Variants in MTREX observed in about 807,000 individuals in gnomAD.
MTREX encodes Mtr4 exosome RNA helicase.
MTREX carries 76 observed loss-of-function variants against 135.4 expected under a neutral mutation model. The ratio of observed to expected loss-of-function variants is 0.56; its 90% CI spans 0.47 to 0.68. MTREX has a LOEUF of 0.68. Ranked by LOEUF, MTREX falls within the 30% of genes least tolerant of loss-of-function variation. The pLI, the probability that MTREX is intolerant of heterozygous loss-of-function variation, is 0.00. For missense variants in MTREX, 920 were observed against 1,262.1 expected (o/e 0.73, Z 4.11); for synonymous variants, 404 against 401.6 (o/e 1.01, Z -0.07).
In MTREX at chr5:55,339,352, G is replaced by A. The variant is rs1561190887; in HGVS notation, c.516-658G>A. 2.0e-5 allele frequency among the ~76,000 whole-genome samples: 3 copies of A among 152,098 alleles called. No homozygotes were observed. In the South Asian group the frequency reaches 6.2e-4, roughly 32 times the overall value. ...TTAAAAATTGCTTATTTCACTGGCTGGGATGAATGTTATTTTTATTTCCCC... is the reference window on the plus strand; with the variant it reads ...TTAAAAATTGCTTATTTCACTGGCTAGGATGAATGTTATTTTTATTTCCCC... On this transcript the variant is annotated intron_variant, in intron 5 of 26. Transcript: ENST00000230640.
rs777700833 is a variant in MTREX at position 55,350,997 on chromosome 5, A to G, written c.1399A>G (p.Ile467Val). 1.2e-6 allele frequency: 2 copies of G among 1,605,848 alleles called. No individual in the cohort carries two copies. Among genetic ancestry groups the G allele is most frequent in the South Asian group, 2.3e-5 (2 of 88,068 alleles). The change falls in exon 13 of 27, where the codon ATA (isoleucine) becomes GTA (valine). Residue 467 changes from isoleucine (I) to valine (V), a missense_variant. This residue lies in a region of MTREX where 46 missense variants were observed against 116.8 expected (regional missense o/e 0.39). Transcript: ENST00000230640. ...GGLLPILKET[I>V]EILFSEGLIK... ...TTTACTTCCTATTTTGAAAGAAACT[A>G]TAGAAATTCTCTTTTCTGAAGGATT...
intron 16 of MTREX, among the ~76,000 whole-genome samples, chr5:55,377,901 C>G (rs1416043464): frequency 2.0e-5 from 3 of 151,852 alleles, no homozygotes; most frequent in African/African-American, 7.3e-5. Flanking sequence ...TAAAAAAATT[C>G]TCTGACCTAC....
chr5:55,412,160 G>A (rs979703161), intron 23 of MTREX, among the ~76,000 whole-genome samples: 1 of 152,084 alleles, frequency 6.6e-6, no homozygotes, highest in African/African-American at 2.4e-5. Flanking sequence ...CATTGAGATG[G>A]AAGATTGTAC....
chr5:55,333,200 C>G (rs1184364438), intron 5 of MTREX, among the ~76,000 whole-genome samples: 1 of 152,094 alleles, frequency 6.6e-6, no homozygotes, highest in Admixed American at 6.6e-5. Context: ...AAGTTTGTAT[C>G]TTATATTGTC....
At chr5:55,358,066 G>T (rs141553777) in intron 14 of MTREX, among the ~76,000 whole-genome samples, 1 of 152,324 alleles carries the variant, frequency 6.6e-6, no homozygotes, top group Non-Finnish European at 1.5e-5. Flanking sequence ...GCTGGGCGTG[G>T]TGGCTCATGC....
At chr5:55,329,395 A>G (rs1310851553) in intron 5 of MTREX, 2 of 151,970 alleles carry the variant, frequency 1.3e-5, no homozygotes, top group Non-Finnish European at 2.9e-5. Context: ...GCTGGTCTCA[A>G]ACTCCTGGGC....
chr5:55,399,964 C>A (rs1221298959), intron 20 of MTREX, among the ~76,000 whole-genome samples: 1 of 152,084 alleles, frequency 6.6e-6, no homozygotes, highest in African/African-American at 2.4e-5. Context: ...ATAAGTTGTG[C>A]CACGTTCAGG....
intron 3 of MTREX, among the ~76,000 whole-genome samples, chr5:55,326,862 C>G (rs772531266): frequency 4.6e-5 from 7 of 152,114 alleles, no homozygotes; most frequent in African/African-American, 1.7e-4. Context: ...CCCCACCTCT[C>G]TACAGGCCCC....
At chr5:55,368,463 A>G (rs539859392) in intron 16 of MTREX, among the ~76,000 whole-genome samples, 2 of 152,288 alleles carry the variant, frequency 1.3e-5, no homozygotes, top group South Asian at 4.1e-4. Context: ...AAAAGAACAA[A>G]AAGTTTTAAT....
intron 21 of MTREX, among the ~76,000 whole-genome samples, chr5:55,400,733 G>A (rs230792): frequency 0.86 from 130,846 of 152,202 alleles, 56,640 homozygotes; most frequent in South Asian, 0.92. Context: ...TGTATTCACA[G>A]ATACTTGCAA....
At chr5:55,340,241 T>C in intron 6 of MTREX, 57 bp downstream of exon 6, 1 of 1,342,964 alleles carries the variant, frequency 7.4e-7, no homozygotes, top group Non-Finnish European at 9.9e-7. Context: ...AATGTGACTA[T>C]TCAGTTAGAA....
rs750004976 is a variant in MTREX at position 55,308,146 on chromosome 5, G to C, written c.133G>C (p.Gly45Arg). The change falls in exon 1 of 27, where the codon GGG becomes CGG. Residue 45 changes from glycine to arginine, a missense_variant and splice_region_variant. This residue lies in a region of MTREX where 136 missense variants were observed against 126.7 expected (regional missense o/e 1.07). Coordinates refer to ENST00000230640, the MANE Select transcript of MTREX (RefSeq NM_015360.5). ...KGPPGSADKA[G>R]KRFDGKLQSE... ...GCCTCCAGGGTCTGCAGACAAGGCA[G>C]GGTAAGGAAGAAGTTCCAGTTGTTG... The C allele has an allele frequency of 3.5e-5, 55 of 1,587,058 alleles. No individual in the cohort carries two copies. In the East Asian group the frequency reaches 1.2e-3, roughly 36 times the overall value.
At chr5:55,408,690 T>C (rs555337390) in intron 22 of MTREX, among the ~76,000 whole-genome samples, 2 of 152,290 alleles carry the variant, frequency 1.3e-5, no homozygotes, top group South Asian at 4.1e-4. Flanking sequence ...TTGTAGTGTT[T>C]CTTTTTTAGC....
intron 15 of MTREX, among the ~76,000 whole-genome samples, chr5:55,365,717 C>T (rs999347245): frequency 2.0e-5 from 3 of 152,060 alleles, no homozygotes; most frequent in African/African-American, 4.8e-5. Flanking sequence ...TCTGAAGGCC[C>T]GGGCGCGGTG....
In MTREX at chr5:55,345,173, A is replaced by G. The variant is rs200208397; in HGVS notation, c.1085A>G (p.Lys362Arg). ...DAGDLAKGDQKGRKGGTKGPS... is the reference protein window; with the variant it reads ...DAGDLAKGDQRGRKGGTKGPS... ...GGTGATTTGGCCAAAGGAGACCAGA[A>G]AGGGCGGAAAGGAGGAACAAAAGGT... Residue 362 changes from lysine to arginine, a missense_variant, in exon 10 of 27, where the codon AAA (lysine) becomes AGA (arginine). By Grantham distance (26) the Lys-to-Arg change is conservative (BLOSUM62 2). This residue lies in a region of MTREX where 101 missense variants were observed against 119.1 expected (regional missense o/e 0.85). Transcript: ENST00000230640. 2 of 1,611,462 alleles carry G rather than the reference A, an allele frequency of 1.2e-6. No individual in the cohort carries two copies. The highest frequency in any genetic ancestry group is 2.7e-5 in the African/African-American group (2 of 74,970).
At chr5:55,413,629 C>G (rs1399995594) in intron 23 of MTREX, among the ~76,000 whole-genome samples, 3 of 152,132 alleles carry the variant, frequency 2.0e-5, no homozygotes, top group Non-Finnish European at 4.4e-5. Flanking sequence ...ACAGAATTTT[C>G]AGCTGTGGGA....
At position 55,329,225 on chromosome 5, in the gene MTREX, T is replaced by G. The variant is rs114202429; in HGVS notation, c.515+414T>G. ...ATTGACATGATTTTTTTTTTTCTTC[T>G]GCGCAGTCATGGCTCACTGCAGCCT... On this transcript the variant is annotated intron_variant, in intron 5 of 26. Transcript: ENST00000230640. 776 of 154,678 alleles carry G rather than the reference T, an allele frequency of 5.0e-3. 4 individuals are homozygous for G. The highest frequency in any genetic ancestry group is 9.9e-3 in the Middle Eastern group (3 of 302). 9.6% of individuals were successfully genotyped at this position (154,678 alleles called of 1,614,324 possible).
At chr5:55,382,274 G>C (rs1750407532) in intron 18 of MTREX, among the ~76,000 whole-genome samples, 1 of 151,558 alleles carries the variant, frequency 6.6e-6, no homozygotes, top group Admixed American at 6.6e-5. Context: ...TTTCTAATGT[G>C]GCATTTTAAT....
At chr5:55,376,808 G>A (rs1005184943) in intron 16 of MTREX, among the ~76,000 whole-genome samples, 6 of 152,262 alleles carry the variant, frequency 3.9e-5, no homozygotes, top group East Asian at 3.9e-4. Context: ...GGTGGCTCAC[G>A]CCTGTAATTC....
Sources: gnomAD v4.1 joint callset for allele counts (sites outside exome capture counted in the v4.1 genomes callset) on GRCh38, gnomAD v4.1.1 for gene constraint, gnomAD v4.1.1 regional missense constraint, MANE v1.5 for transcripts, NCBI Gene and HGNC (gene_info 2026-07-23, HGNC 2026-07-21) for gene names.